The following CPSF3 variants were observed in gnomAD, a reference collection of about 807,000 sequenced individuals.
CPSF3 encodes the protein cleavage and polyadenylation specificity factor subunit 3.
A neutral mutation model predicts 84.1 loss-of-function variants in CPSF3; 57 were observed. The ratio of observed to expected loss-of-function variants is 0.68; its 90% CI spans 0.55 to 0.85. CPSF3 has a LOEUF of 0.85. Among genes scored for constraint, CPSF3 ranks in the 40% least tolerant of loss-of-function variants. The pLI, the probability that CPSF3 is intolerant of heterozygous loss-of-function variation, is 0.00. For missense variants in CPSF3, 522 were observed against 838.8 expected, an observed-to-expected ratio of 0.62 and a Z score of 4.66; for synonymous variants, 275 against 278.1, an observed-to-expected ratio of 0.99 and a Z score of 0.11.
In CPSF3 at chr2:9,448,269, C is replaced by T. The variant is rs367990923; in HGVS notation, c.1314C>T (p.Asn438=). The T allele has an allele frequency of 1.6e-5, 26 of 1,612,392 alleles. No individual in the cohort carries two copies. Among genetic ancestry groups the T allele is most frequent in the South Asian group, 4.4e-5 (4 of 90,980 alleles). Residue 438 remains asparagine (N), a synonymous_variant, in exon 11 of 18, where the codon AAC becomes AAT. Transcript: ENST00000238112. The stretch of plus-strand genomic sequence containing the variant: ...CACTGATTCGAGAATATGAAGATAA[C>T]GATGAAGTTCACATAGAGGTTCATA... ...KAALIREYED[N]DEVHIEVHNP...
At chr2:9,442,201 G>A (rs192801672) in intron 9 of CPSF3, among the ~76,000 whole-genome samples, 1 of 152,310 alleles carries the variant, frequency 6.6e-6, no homozygotes, top group East Asian at 1.9e-4. Context: ...ATTAAAGTTT[G>A]AGAAATGCTC....
intron 12 of CPSF3, among the ~76,000 whole-genome samples, chr2:9,454,038 G>A (rs1681425694): frequency 6.6e-6 from 1 of 152,068 alleles, no homozygotes. Context: ...AATGAATATG[G>A]TATTATTTTC....
intron 9 of CPSF3, 49 bp from the exon 10 acceptor site, chr2:9,443,466 C>A: frequency 6.5e-7 from 1 of 1,541,502 alleles, no homozygotes; most frequent in South Asian, 1.2e-5. Flanking sequence ...TGTACCTTTA[C>A]GATTATAACT....
rs1680477683 is a variant in CPSF3, at chr2:9,428,752, T to G, written c.51-13T>G. The G allele has an allele frequency of 3.8e-6, 6 of 1,589,044 alleles. No homozygotes were observed. The highest frequency in any genetic ancestry group is 5.2e-6 in the Non-Finnish European group (6 of 1,158,970). On this transcript the variant is annotated splice_polypyrimidine_tract_variant and intron_variant, in intron 1 of 17. Coordinates refer to ENST00000238112, the MANE Select transcript of CPSF3 (RefSeq NM_016207.4). Reference sequence around the variant, plus strand: ...TTTTTAATCCTTCTTTTTCTCCCCTTGAATATTTACAGTGGAGCTGGGCAA... The same window carrying G: ...TTTTTAATCCTTCTTTTTCTCCCCTGGAATATTTACAGTGGAGCTGGGCAA...
chr2:9,429,176 G>A (rs539044828), intron 2 of CPSF3, among the ~76,000 whole-genome samples: 7 of 152,304 alleles, frequency 4.6e-5, no homozygotes, highest in Non-Finnish European at 8.8e-5. Context: ...AGCTCTAGCC[G>A]CCTCCAGCAT....
chr2:9,431,540 C>CTTTTTTTTTTTTTT (rs1198118780), intron 4 of CPSF3, among the ~76,000 whole-genome samples: 2 of 84,146 alleles, frequency 2.4e-5, no homozygotes, highest in African/African-American at 1.1e-4. Flanking sequence ...TTTTTTTTTT[C>CTTTTTTTTTTTTTT]TTTTTTTTTT....
At chr2:9,472,049 C>CTG (rs1463768663) in intron 17 of CPSF3, among the ~76,000 whole-genome samples, 6 of 141,730 alleles carry the variant, frequency 4.2e-5, no homozygotes, top group African/African-American at 1.6e-4. Flanking sequence ...CGTGGTGGTT[C>CTG]ACGCCTGTAA....
At chr2:9,440,776 G>A (rs911946786) in intron 8 of CPSF3, 110 bp downstream of exon 8, 84 of 1,082,602 alleles carry the variant, frequency 7.8e-5, no homozygotes, top group Non-Finnish European at 1.1e-4. Context: ...AGCACTTTGG[G>A]AGTCTAAGGC....
At chr2:9,424,652 TC>T (rs1680290656) in intron 1 of CPSF3, 1 of 152,340 alleles carries the variant, frequency 6.6e-6, no homozygotes, top group Admixed American at 6.5e-5. Flanking sequence ...TGGGACATAG[TC>T]CGTTTCCTTC....
At chr2:9,472,140 C>A (rs769554147) in intron 17 of CPSF3, among the ~76,000 whole-genome samples, 1 of 151,054 alleles carries the variant, frequency 6.6e-6, no homozygotes, top group Non-Finnish European at 1.5e-5. Context: ...ATGATGAAAC[C>A]CCATCTCTAC....
intron 1 of CPSF3, 22 bp from the exon 2 acceptor site, chr2:9,428,743 T>C (rs771032861): frequency 6.4e-7 from 1 of 1,565,818 alleles, no homozygotes; most frequent in South Asian, 1.1e-5. Flanking sequence ...ATCCTTCTTT[T>C]TCTCCCCTTG....
At chr2:9,466,341 C>CAG (rs1491558265) in intron 15 of CPSF3, among the ~76,000 whole-genome samples, 1,672 of 69,666 alleles carry the variant, frequency 0.024, 26 homozygotes, top group African/African-American at 0.062. Flanking sequence ...CACGCACACA[C>CAG]GCGCGCGCGC....
At chr2:9,448,472 C>T in intron 11 of CPSF3, 122 bp downstream of exon 11, 1 of 809,928 alleles carries the variant, frequency 1.2e-6, no homozygotes, top group Non-Finnish European at 1.9e-6. Context: ...TGTTACACTA[C>T]AGGAATTTTA....
intron 6 of CPSF3, among the ~76,000 whole-genome samples, chr2:9,435,305 G>C (rs1399668674): frequency 2.0e-5 from 3 of 152,184 alleles, no homozygotes; most frequent in Non-Finnish European, 4.4e-5. Context: ...CTTATCAGAG[G>C]TGGGAGAAAT....
At chr2:9,450,226 A>G (rs926980085) in intron 11 of CPSF3, among the ~76,000 whole-genome samples, 3 of 145,980 alleles carry the variant, frequency 2.1e-5, no homozygotes, top group African/African-American at 5.1e-5. Context: ...ATCTCGGCTC[A>G]CTGCAACCTC....
At chr2:9,464,307 G>A (rs1178081418) in intron 15 of CPSF3, among the ~76,000 whole-genome samples, 4 of 151,898 alleles carry the variant, frequency 2.6e-5, no homozygotes, top group African/African-American at 7.3e-5. Context: ...ATGATCTCGT[G>A]TCTGATGAGT....
Position 9,423,664 on chromosome 2 carries a change from C to A in CPSF3, c.-110C>A, listed in dbSNP as rs1680195362. ...GGGCTCCGGAGTGACGGAAGTTGTG[C>A]TCTTGGTGAATGGGGTTCTTCCTTT... On this transcript the variant is annotated 5_prime_UTR_variant, in exon 1 of 18. Coordinates refer to ENST00000238112, the MANE Select transcript of CPSF3 (RefSeq NM_016207.4). The A allele has an allele frequency of 7.2e-7, 1 of 1,398,266 alleles. No homozygotes were observed. Among genetic ancestry groups the A allele is most frequent in the Non-Finnish European group, 9.7e-7 (1 of 1,029,138 alleles). 86.6% of individuals were successfully genotyped at this position (1,398,266 alleles called of 1,614,324 possible).
At chr2:9,432,821 A>C (rs1298320554) in intron 5 of CPSF3, 133 bp downstream of exon 5, 1 of 616,766 alleles carries the variant, frequency 1.6e-6, no homozygotes, top group South Asian at 7.1e-5. Flanking sequence ...ATAAAAATAC[A>C]GTTAACGCTT....
In CPSF3 at chr2:9,428,767, G is replaced by T. The variant is rs2148933808; in HGVS notation, c.53G>T (p.Gly18Val). 1.2e-6 allele frequency: 2 copies of T among 1,602,190 alleles called. No homozygotes were observed. Among genetic ancestry groups the T allele is most frequent in the Middle Eastern group, 1.7e-4 (1 of 6,028 alleles). Residue 18 changes from glycine (G) to valine (V), a missense_variant and splice_region_variant, in exon 2 of 18, where the codon GGA (glycine) becomes GTA (valine). Around this residue, in one of 2 missense-constraint regions of CPSF3, gnomAD observed 329 missense variants for 607.2 expected, o/e 0.54. Transcript: ENST00000238112. ...TTTCTCCCCTTGAATATTTACAGTG[G>T]AGCTGGGCAAGAAGTAGGAAGATCA... Reference protein sequence around the residue: ...ESDQLLIRPLGAGQEVGRSCI... With the variant: ...ESDQLLIRPLVAGQEVGRSCI...
Sources: gnomAD v4.1 joint callset for allele counts (sites outside exome capture counted in the v4.1 genomes callset) on GRCh38, gnomAD v4.1.1 for gene constraint, gnomAD v4.1.1 regional missense constraint, MANE v1.5 for transcripts, NCBI Gene and HGNC (gene_info 2026-07-23, HGNC 2026-07-21) for gene names.